The following SLC12A1 variants were observed in gnomAD, a reference collection of about 807,000 sequenced individuals.
SLC12A1 encodes the protein Na-K-2Cl cotransporter.
A neutral mutation model predicts 130.4 loss-of-function variants in SLC12A1; 89 were observed. The observed-to-expected ratio is 0.68, with a 90% CI of 0.58 to 0.81. The LOEUF is 0.81. SLC12A1 is among the 40% of genes least tolerant of loss of function. SLC12A1 has a pLI of 0.00. For missense variants in SLC12A1, 1,310 were observed against 1,336.4 expected (o/e 0.98, Z 0.31); for synonymous variants, 499 against 460.0 (o/e 1.08, Z -1.09).
At chr15:48,229,088 T>C (rs1327803961) in intron 5 of SLC12A1, 101 bp from the exon 6 acceptor site, 9 of 1,278,802 alleles carry the variant, frequency 7.0e-6, no homozygotes, top group South Asian at 3.1e-5. Flanking sequence ...AATACTGTTA[T>C]TGAAATAATT....
chr15:48,209,678 A>T (rs1344818155), intron 2 of SLC12A1, among the ~76,000 whole-genome samples: 1 of 152,104 alleles, frequency 6.6e-6, no homozygotes, highest in Non-Finnish European at 1.5e-5. Flanking sequence ...AGATGCTAAT[A>T]AAGGGGAAAA....
At chr15:48,299,054 C>G in intron 24 of SLC12A1, 86 bp from the exon 25 acceptor site, 1 of 1,153,322 alleles carries the variant, frequency 8.7e-7, no homozygotes, top group Non-Finnish European at 1.3e-6. Flanking sequence ...GATTCCACAG[C>G]CAGCAGAGCC....
At position 48,267,554 on chromosome 15, in the gene SLC12A1, C is replaced by A; in HGVS notation, c.2155-7C>A. 1.2e-6 allele frequency: 2 copies of A among 1,613,006 alleles called. No individual in the cohort carries two copies. Among genetic ancestry groups the A allele is most frequent in the South Asian group, 2.2e-5 (2 of 90,966 alleles). On this transcript the variant is annotated splice_region_variant and splice_polypyrimidine_tract_variant and intron_variant, in intron 17 of 26. Coordinates refer to ENST00000380993, the MANE Select transcript of SLC12A1 (RefSeq NM_000338.3). ...GGTTCTAACCAATATTTCATTGTGTCACACAGGGACCGCGCAAACTGTGTG... is the reference window on the plus strand; with the variant it reads ...GGTTCTAACCAATATTTCATTGTGTAACACAGGGACCGCGCAAACTGTGTG...
In SLC12A1 at chr15:48,288,262, G is replaced by T; in HGVS notation, c.2761+88G>T. The T allele has an allele frequency of 2.3e-6, 3 of 1,311,474 alleles. 1 individual carries two copies. Among genetic ancestry groups the T allele is most frequent in the Non-Finnish European group, 3.2e-6 (3 of 942,116 alleles). 81.2% of individuals were successfully genotyped at this position (1,311,474 alleles called of 1,614,324 possible). On this transcript the variant is annotated intron_variant, in intron 22 of 26. Transcript: ENST00000380993. ...TGAGAAGGTATATGGGAACAATACT[G>T]GTTAAAGAATAACATTTCTGTGTTC...
At chr15:48,232,915 C>G (rs2041398566) in intron 8 of SLC12A1, 77 bp downstream of exon 8, 1 of 849,310 alleles carries the variant, frequency 1.2e-6, no homozygotes, top group Non-Finnish European at 1.9e-6. Context: ...ATCAACCCAA[C>G]CCCAGCCTTC....
chr15:48,216,117 A>G (rs568956376), intron 2 of SLC12A1, among the ~76,000 whole-genome samples: 21 of 152,336 alleles, frequency 1.4e-4, no homozygotes, highest in African/African-American at 4.6e-4. Flanking sequence ...CAGGTTGAAC[A>G]TATTATTAAT....
chr15:48,253,844 A>T (rs1043511616), intron 15 of SLC12A1, among the ~76,000 whole-genome samples: 2 of 152,210 alleles, frequency 1.3e-5, no homozygotes, highest in African/African-American at 4.8e-5. Flanking sequence ...ATGATTTTTT[A>T]AAAGCCATTC....
At chr15:48,239,949 C>T (rs1175972013) in intron 9 of SLC12A1, among the ~76,000 whole-genome samples, 3 of 149,510 alleles carry the variant, frequency 2.0e-5, no homozygotes, top group African/African-American at 7.4e-5. Flanking sequence ...CTGCACCTGG[C>T]CAAAAACTAA....
chr15:48,301,767 G>A (rs1373979141), intron 26 of SLC12A1, among the ~76,000 whole-genome samples: 2 of 152,160 alleles, frequency 1.3e-5, no homozygotes, highest in Non-Finnish European at 2.9e-5. Flanking sequence ...TGTGCCCATG[G>A]CAGGTTCATG....
intron 16 of SLC12A1, among the ~76,000 whole-genome samples, chr15:48,258,514 C>T (rs1306098181): frequency 1.3e-5 from 2 of 152,168 alleles, no homozygotes; most frequent in African/African-American, 4.8e-5. Flanking sequence ...CTATGAAATT[C>T]CAAACTTTTA....
intron 17 of SLC12A1, among the ~76,000 whole-genome samples, chr15:48,266,559 A>G (rs2041833929): frequency 6.6e-6 from 1 of 151,752 alleles, no homozygotes; most frequent in Non-Finnish European, 1.5e-5. Context: ...TGCCTCCAGG[A>G]GCTTGTTAGA....
At chr15:48,262,709 C>G (rs2141080812) in intron 17 of SLC12A1, among the ~76,000 whole-genome samples, 1 of 152,330 alleles carries the variant, frequency 6.6e-6, no homozygotes, top group African/African-American at 2.4e-5. Context: ...TGACATATTT[C>G]TATCCCAATA....
intron 23 of SLC12A1, 30 bp from the exon 24 acceptor site, chr15:48,291,748 T>G (rs777211655): frequency 6.3e-6 from 8 of 1,277,296 alleles, no homozygotes; most frequent in Non-Finnish European, 8.9e-6. Context: ...AAATATGCAA[T>G]GATGAAGTAT....
At chr15:48,220,787 C>T in intron 3 of SLC12A1, 22 bp downstream of exon 3, 1 of 1,613,754 alleles carries the variant, frequency 6.2e-7, no homozygotes, top group South Asian at 1.1e-5. Flanking sequence ...CTTCTGTTTA[C>T]AAATGAAAAC....
chr15:48,222,072 C>T (rs1344349229), intron 4 of SLC12A1, among the ~76,000 whole-genome samples: 2 of 152,120 alleles, frequency 1.3e-5, no homozygotes, highest in Admixed American at 6.5e-5. Flanking sequence ...GGCTGCTTGC[C>T]GGTTTTATGA....
Position 48,248,791 on chromosome 15 carries a change from C to T in SLC12A1, c.1685-784C>T, listed in dbSNP as rs186523700. Among the ~76,000 whole-genome samples, 324 of 152,324 alleles carry T rather than the reference C, an allele frequency of 2.1e-3. 2 individuals carry two copies. Among genetic ancestry groups the T allele is most frequent in the African/African-American group, 7.5e-3 (310 of 41,562 alleles). ...GGCACGGTGGCTTACGCCTGTTCAT[C>T]CTGGCACTTTGGGAGGCTGACGTGG... is the stretch of plus-strand genomic sequence containing the variant. On this transcript the variant is annotated intron_variant, in intron 13 of 26. Coordinates refer to ENST00000380993, the MANE Select transcript of SLC12A1 (RefSeq NM_000338.3).
intron 9 of SLC12A1, chr15:48,235,246 G>C (rs746934830): frequency 1.0e-5 from 5 of 484,862 alleles, no homozygotes; most frequent in Non-Finnish European, 1.8e-5. Context: ...GTGATAGTGT[G>C]TCATATTTCC....
intron 9 of SLC12A1, among the ~76,000 whole-genome samples, chr15:48,237,676 T>C (rs1029145580): frequency 6.6e-6 from 1 of 152,230 alleles, no homozygotes; most frequent in African/African-American, 2.4e-5. Context: ...TTTTAACACA[T>C]ACACTACTAT....
chr15:48,230,710 C>T (rs558418495), intron 7 of SLC12A1, among the ~76,000 whole-genome samples: 3 of 152,344 alleles, frequency 2.0e-5, no homozygotes, highest in South Asian at 2.1e-4. Flanking sequence ...ACATGACTGC[C>T]GTATTTTGTC....
Sources: allele counts gnomAD v4.1 joint callset (sites outside exome capture counted in the v4.1 genomes callset), GRCh38; gene constraint gnomAD v4.1.1; transcripts MANE v1.5; gene names NCBI Gene and HGNC (gene_info 2026-07-23, HGNC 2026-07-21).